The following BCAS3 variants were observed in gnomAD, a reference collection of about 807,000 sequenced individuals.
BCAS3 encodes BCAS4/BCAS3 fusion.
Under a neutral mutation model 116.1 loss-of-function variants are expected in BCAS3, and 53 were observed. That is an observed-to-expected ratio of 0.46 (90% confidence interval 0.37 to 0.57). The LOEUF is 0.57. Among genes scored for constraint, BCAS3 ranks in the 20% least tolerant of loss-of-function variants. BCAS3 has a pLI of 0.00. For missense variants in BCAS3, 917 were observed against 1,165.4 expected (o/e 0.79, Z 3.10); for synonymous variants, 391 against 408.2 (o/e 0.96, Z 0.51).
At chr17:60,844,986 A>T (rs1430900986) in intron 7 of BCAS3, among the ~76,000 whole-genome samples, 1 of 152,132 alleles carries the variant, frequency 6.6e-6, no homozygotes, top group Admixed American at 6.5e-5. Flanking sequence ...TCTCAGCACT[A>T]TAGGAGGCCG....
In BCAS3 at chr17:60,729,528, C is replaced by T. The variant is rs904221924; in HGVS notation, c.322-17670C>T. Among the ~76,000 whole-genome samples the T allele has an allele frequency of 9.9e-5, 15 of 151,960 alleles. No individual in the cohort carries two copies. In the East Asian group the frequency reaches 2.7e-3, roughly 27 times the overall value. On this transcript the variant is annotated intron_variant, in intron 5 of 23. Transcript: ENST00000407086. Reference sequence around the variant, plus strand: ...CACTGCTTACATTGATGTTGTCAGTCATTAAAAAAAATCATCTTGTTAATC... The same window carrying T: ...CACTGCTTACATTGATGTTGTCAGTTATTAAAAAAAATCATCTTGTTAATC...
rs150848378 is a variant in BCAS3, at chr17:61,134,694, A to G, written c.2425+50130A>G. ...GGAGCCTGTACTATATAATTATGTA[A>G]TTATATTTACAAACACCTCATTTAA... On this transcript the variant is annotated intron_variant, in intron 22 of 23. Transcript: ENST00000407086. The surrounding 1 kb of genome is among the most constrained non-coding windows in gnomAD (Gnocchi z 4.6). 5.1e-4 allele frequency among the ~76,000 whole-genome samples: 78 copies of G among 152,310 alleles called. No individual in the cohort carries two copies. In the East Asian group the frequency reaches 0.013, roughly 26 times the overall value.
intron 22 of BCAS3, among the ~76,000 whole-genome samples, chr17:61,271,328 A>G (rs2050230612): frequency 1.4e-5 from 2 of 140,370 alleles, no homozygotes; most frequent in African/African-American, 2.7e-5. Context: ...GGGTTTCACC[A>G]TGTTGGCCAG....
intron 7 of BCAS3, among the ~76,000 whole-genome samples, chr17:60,854,218 G>A (rs2053452232): frequency 6.6e-6 from 1 of 152,164 alleles, no homozygotes; most frequent in South Asian, 2.1e-4. Context: ...TCCCCACAAA[G>A]GACATGAACT....
At chr17:61,059,557 G>A (rs1026810554) in intron 19 of BCAS3, among the ~76,000 whole-genome samples, 5 of 152,184 alleles carry the variant, frequency 3.3e-5, no homozygotes, top group African/African-American at 1.2e-4. Context: ...CTTCTTCCGT[G>A]AGGTCTTTCT....
Position 61,278,951 on chromosome 17 carries a change from C to CT in BCAS3, c.2426-89360dup, listed in dbSNP as rs869116570. 0.018 allele frequency among the ~76,000 whole-genome samples: 2,594 copies of CT among 140,534 alleles called. 64 individuals carry two copies. The highest frequency in any genetic ancestry group is 0.054 in the African/African-American group (2,075 of 38,412). 92.2% of individuals were successfully genotyped at this position (140,534 alleles called of 152,430 possible). A position where few individuals can be genotyped will look rare whatever the true frequency, so the allele number is the denominator to read the frequency against. The stretch of plus-strand genomic sequence containing the variant: ...ACACTAAAAGCCATTGAATTATGTA[C>CT]TTTTTTTTTTTTTTTTAAAGATGGA... On this transcript the variant is annotated intron_variant, in intron 22 of 23. Transcript: ENST00000407086. This position sits in a 1 kb window ranked among gnomAD's most constrained non-coding sequence, Gnocchi z 5.8.
intron 13 of BCAS3, among the ~76,000 whole-genome samples, chr17:60,926,714 A>G (rs999097452): frequency 2.6e-5 from 4 of 152,116 alleles, no homozygotes; most frequent in African/African-American, 4.8e-5. Context: ...GTTAGTGTAT[A>G]TTTCATATAA....
chr17:61,266,679 T>A (rs1024658506), intron 22 of BCAS3, among the ~76,000 whole-genome samples: 1 of 152,218 alleles, frequency 6.6e-6, no homozygotes, highest in African/African-American at 2.4e-5. Flanking sequence ...TTTAAAAATA[T>A]CTAATTGCCA....
intron 13 of BCAS3, 44 bp downstream of exon 13, chr17:60,924,544 A>G: frequency 1.4e-6 from 2 of 1,395,128 alleles, no homozygotes; most frequent in Non-Finnish European, 9.9e-7. Context: ...TTTGTAGACC[A>G]TTTATATAAT....
intron 22 of BCAS3, among the ~76,000 whole-genome samples, chr17:61,093,883 G>T (rs1016529745): frequency 2.0e-5 from 3 of 152,042 alleles, no homozygotes; most frequent in African/African-American, 7.3e-5. Flanking sequence ...GGCTATTCTG[G>T]GGCCTTTGCA....
In BCAS3 at chr17:61,205,798, C is replaced by G. The variant is rs1017758938; in HGVS notation, c.2425+121234C>G. On this transcript the variant is annotated intron_variant, in intron 22 of 23. Transcript: ENST00000407086. This position sits in a 1 kb window ranked among gnomAD's most constrained non-coding sequence, Gnocchi z 5.2. ...GCTTTGTAGGAGCCGCAGAGTGTAC[C>G]TAGTTTTGCCAGGCAAGGACTGAAT... is the stretch of plus-strand genomic sequence containing the variant. 1.3e-5 allele frequency among the ~76,000 whole-genome samples: 2 copies of G among 152,158 alleles called. No individual in the cohort carries two copies. The highest frequency in any genetic ancestry group is 4.8e-5 in the African/African-American group (2 of 41,444).
At chr17:61,092,899 C>A (rs928193560) in intron 22 of BCAS3, among the ~76,000 whole-genome samples, 14 of 79,550 alleles carry the variant, frequency 1.8e-4, no homozygotes, top group African/African-American at 5.9e-4. Flanking sequence ...TTTGTCCAGT[C>A]TTTTTTTTTT....
chr17:60,992,189 T>TCCACAC (rs1555654103), intron 15 of BCAS3, among the ~76,000 whole-genome samples: 10 of 130,646 alleles, frequency 7.7e-5, no homozygotes, highest in African/African-American at 2.9e-4. Context: ...TCCGATGACT[T>TCCACAC]ACACACACAC....
At position 61,121,974 on chromosome 17, in the gene BCAS3, C is replaced by T. The variant is rs145342203; in HGVS notation, c.2425+37410C>T. Among the ~76,000 whole-genome samples, 283 of 152,108 alleles carry T rather than the reference C, an allele frequency of 1.9e-3. 1 individual carries two copies. The highest frequency in any genetic ancestry group is 3.4e-3 in the Non-Finnish European group (229 of 68,020). On this transcript the variant is annotated intron_variant, in intron 22 of 23. Transcript: ENST00000407086. ...TGAACTCCTGACATCGTGATCCACCCGCCTCATCCTCCCAAAATGCTGGGA... is the reference window on the plus strand; with the variant it reads ...TGAACTCCTGACATCGTGATCCACCTGCCTCATCCTCCCAAAATGCTGGGA...
rs187739243 is a variant in BCAS3, at chr17:60,930,872, A to T, written c.1087+6372A>T. On this transcript the variant is annotated intron_variant, in intron 13 of 23. Coordinates refer to ENST00000407086, the MANE Select transcript of BCAS3 (RefSeq NM_017679.5). ...CATAGCCACTTCCTGGGAAACGTTA[A>T]AAATACTATAAAATGTACATGATGG... Among the ~76,000 whole-genome samples the T allele has an allele frequency of 1.1e-4, 17 of 152,302 alleles. No individual in the cohort carries two copies. The East Asian group carries it at 3.3e-3, about 29-fold the overall frequency.
chr17:60,849,622 G>A (rs1200763745), intron 7 of BCAS3, among the ~76,000 whole-genome samples: 1 of 152,162 alleles, frequency 6.6e-6, no homozygotes, highest in South Asian at 2.1e-4. Flanking sequence ...AGGTTCAACA[G>A]CAAGTGGTGC....
In BCAS3 at chr17:61,381,127, A is replaced by G. The variant is rs2059584635; in HGVS notation, c.2594-10850A>G. Among the ~76,000 whole-genome samples the G allele has an allele frequency of 6.6e-6, 1 of 152,252 alleles. No individual in the cohort carries two copies. The highest frequency in any genetic ancestry group is 2.1e-4 in the South Asian group (1 of 4,836). On this transcript the variant is annotated intron_variant, in intron 23 of 23. Coordinates refer to ENST00000407086, the MANE Select transcript of BCAS3 (RefSeq NM_017679.5). This position sits in a 1 kb window ranked among gnomAD's most constrained non-coding sequence, Gnocchi z 6.0. ...TTTCAACTCTGAAGCCAGCCTTGTGATAAACATTTGGTTAACCCCTTCCTA... is the reference window on the plus strand; with the variant it reads ...TTTCAACTCTGAAGCCAGCCTTGTGGTAAACATTTGGTTAACCCCTTCCTA...
intron 3 of BCAS3, among the ~76,000 whole-genome samples, chr17:60,685,134 AT>A (rs1413285395): frequency 6.6e-6 from 1 of 152,204 alleles, no homozygotes; most frequent in Non-Finnish European, 1.5e-5. Flanking sequence ...ATAACTTAAC[AT>A]TTTGCACATT....
At chr17:60,981,932 A>T (rs2062839647) in intron 14 of BCAS3, among the ~76,000 whole-genome samples, 1 of 152,194 alleles carries the variant, frequency 6.6e-6, no homozygotes, top group African/African-American at 2.4e-5. Context: ...ATGTATTTTC[A>T]TAATCTTCTA....
Sources: allele counts gnomAD v4.1 joint callset (sites outside exome capture counted in the v4.1 genomes callset), GRCh38; gene constraint gnomAD v4.1.1; non-coding constraint Gnocchi (gnomAD v3.1); transcripts MANE v1.5; gene names NCBI Gene and HGNC (gene_info 2026-07-23, HGNC 2026-07-21).